The following JAG2 variants were observed in gnomAD, a reference collection of about 807,000 sequenced individuals.
JAG2 encodes jagged canonical Notch ligand 2.
In JAG2, 46 loss-of-function variants were observed where a neutral mutation model predicts 141.7. The ratio of observed to expected loss-of-function variants is 0.32; its 90% confidence interval spans 0.26 to 0.42. The LOEUF is 0.42. JAG2 is among the 10% of genes least tolerant of loss of function. The probability of loss-of-function intolerance (pLI) is 1.00; values close to 1 mark genes in which losing one functional copy is unlikely to be tolerated. For missense variants in JAG2, 1,500 were observed against 1,817.5 expected (o/e 0.83, Z 3.18); for synonymous variants, 862 against 763.5 (o/e 1.13, Z -2.13).
At chr14:105,160,650 G>A (rs1335906618) in intron 2 of JAG2, among the ~76,000 whole-genome samples, 1 of 151,920 alleles carries the variant, frequency 6.6e-6, no homozygotes, top group East Asian at 1.9e-4. Flanking sequence ...ATCACCTGAG[G>A]TCAGGAGTTC....
At chr14:105,168,174 G>C (rs1196976428) in intron 1 of JAG2, 67 bp from the exon 2 acceptor site, 1 of 1,352,708 alleles carries the variant, frequency 7.4e-7, no homozygotes, top group African/African-American at 1.5e-5. Flanking sequence ...GGCGCCAGGG[G>C]TGGGGGAACA....
chr14:105,165,592 G>C (rs936996600), intron 2 of JAG2, among the ~76,000 whole-genome samples: 2 of 152,160 alleles, frequency 1.3e-5, no homozygotes, highest in East Asian at 1.9e-4. Context: ...CACAGACCCC[G>C]GCCACAAGAA....
intron 2 of JAG2, among the ~76,000 whole-genome samples, chr14:105,160,386 C>T (rs1358677908): frequency 7.3e-6 from 1 of 137,846 alleles, no homozygotes; most frequent in African/African-American, 2.8e-5. Context: ...CCCTTCCCCA[C>T]CCCCGGTAAC....
rs587632836 is a variant in JAG2 at position 105,168,369 on chromosome 14, C to CCAG, written c.49_51dup (p.Leu17dup). On this transcript the variant is annotated inframe_insertion, in exon 1 of 26. Transcript: ENST00000331782. ...GCCCCGCTCACCTGCACCCAGAGCG[C>CCAG]CAGCAGCAGCAGCAGCCGCCGGGGA... 0.034 allele frequency: 33,877 copies of CCAG among 1,011,200 alleles called. 456 individuals carry two copies. Among genetic ancestry groups the CCAG allele is most frequent in the Non-Finnish European group, 0.037 (30,652 of 819,430 alleles). 62.6% of individuals were successfully genotyped at this position (1,011,200 alleles called of 1,614,324 possible).
intron 2 of JAG2, among the ~76,000 whole-genome samples, chr14:105,160,963 C>T (rs147282825): frequency 6.6e-6 from 1 of 152,086 alleles, no homozygotes; most frequent in Non-Finnish European, 1.5e-5. Context: ...GCAGAGCCCA[C>T]AAGAAGGCCC....
At chr14:105,157,847 C>T (rs772123796) in intron 2 of JAG2, 84 bp from the exon 3 acceptor site, 66 of 1,269,126 alleles carry the variant, frequency 5.2e-5, no homozygotes, top group South Asian at 7.6e-5. Flanking sequence ...AGGGCTCAGA[C>T]GCTGCCCCTG....
Position 105,142,779 on chromosome 14 carries a change from C to T in JAG2, c.3633G>A (p.Arg1211=). The T allele has an allele frequency of 6.2e-7, 1 of 1,611,002 alleles. No individual in the cohort carries two copies. Among genetic ancestry groups the T allele is most frequent in the Non-Finnish European group, 8.5e-7 (1 of 1,179,104 alleles). Residue 1211 remains arginine (R), a synonymous_variant, in exon 26 of 26, where the codon AGG becomes AGA. Coordinates refer to ENST00000331782, the MANE Select transcript of JAG2 (RefSeq NM_002226.5). ...FTKDPGRSPG[R]PAHWASGPKV... is the part of the protein sequence containing the mutation. ...TGGGGCCTGAGGCCCAGTGGGCCGG[C>T]CTCCCCGGCGAGCGGCCAGGATCTT...
chr14:105,147,916 T>A, intron 17 of JAG2, 28 bp from the exon 18 acceptor site: 1 of 1,505,900 alleles, frequency 6.6e-7, no homozygotes, highest in South Asian at 1.2e-5. Flanking sequence ...GGAGGGAGCG[T>A]CTCACCTGGC....
intron 2 of JAG2, among the ~76,000 whole-genome samples, chr14:105,162,315 A>G (rs777457520): frequency 6.6e-5 from 10 of 151,928 alleles, no homozygotes; most frequent in Non-Finnish European, 1.2e-4. Context: ...CCGCAGCCCA[A>G]CTTCATCTCC....
At chr14:105,151,151 C>T (rs1429559338) in intron 9 of JAG2, 47 bp from the exon 10 acceptor site, 16 of 1,554,970 alleles carry the variant, frequency 1.0e-5, no homozygotes, top group Non-Finnish European at 1.4e-5. Context: ...GCCCTGCCTG[C>T]CCCCTGCAGC....
intron 24 of JAG2, among the ~76,000 whole-genome samples, chr14:105,144,250 G>T (rs369658146): frequency 2.0e-5 from 3 of 150,198 alleles, no homozygotes; most frequent in African/African-American, 4.9e-5. Context: ...CTGTGCCCCT[G>T]CCTCCACCAC....
In JAG2 at chr14:105,148,996, G is replaced by A. The variant is rs748968285; in HGVS notation, c.1847C>T (p.Pro616Leu). ...ACAGATGCAGGAAAAGTTGCCCCCT[G>A]GCTGGCTGACGCAGCGTCCATGGGG... Reference protein sequence around the residue: ...CGPHGRCVSQPGGNFSCICDS... With the variant: ...CGPHGRCVSQLGGNFSCICDS... The change falls in exon 14 of 26, where the codon CCA (proline) becomes CTA (leucine). Residue 616 changes from proline to leucine, a missense_variant. This residue lies in a region of JAG2 where 875 missense variants were observed against 1,202.2 expected (regional missense o/e 0.73). Transcript: ENST00000331782. 2 of 1,607,454 alleles carry A rather than the reference G, an allele frequency of 1.2e-6. No individual in the cohort carries two copies. Among genetic ancestry groups the A allele is most frequent in the Non-Finnish European group, 1.7e-6 (2 of 1,177,722 alleles).
chr14:105,142,999 A>G lies in JAG2; in HGVS notation c.3413T>C (p.Ile1138Thr), dbSNP rs1292064765. The G allele has an allele frequency of 3.1e-6, 5 of 1,607,444 alleles. No individual in the cohort carries two copies. Among genetic ancestry groups the G allele is most frequent in the Non-Finnish European group, 4.2e-6 (5 of 1,179,244 alleles). ...WAPLNPIRNP[I>T]ERPGGHKDVL... ...GTCCTTGTGGCCCCCCGGCCGCTCA[A>G]TGGGGTTGCGGATGGGGTTGAGCGG... Residue 1138 changes from isoleucine to threonine, a missense_variant, in exon 26 of 26, where the codon ATT (isoleucine) becomes ACT (threonine). Ile to Thr is a moderately conservative substitution (Grantham distance 89). Around this residue, in one of 3 missense-constraint regions of JAG2, gnomAD observed 425 missense variants for 441.0 expected, o/e 0.96. Transcript: ENST00000331782.
Position 105,148,169 on chromosome 14 carries a change from T to A in JAG2, c.2195A>T (p.Asp732Val). The A allele has an allele frequency of 3.2e-6, 5 of 1,551,134 alleles. No individual in the cohort carries two copies. The highest frequency in any genetic ancestry group is 4.4e-6 in the Non-Finnish European group (5 of 1,147,532). Residue 732 changes from aspartate to valine, a missense_variant, in exon 17 of 26, where the codon GAC (aspartate) becomes GTC (valine). Asp to Val is a radical substitution (Grantham distance 152). Coordinates refer to ENST00000331782, the MANE Select transcript of JAG2 (RefSeq NM_002226.5). The stretch of plus-strand genomic sequence containing the variant: ...GGGGGGGCAGGCGCAGCGGAAGGTG[T>A]CGCCGCTGTCGTAGCAGGTGCCACC... ...SNGGTCYDSG[D>V]TFRCACPPGW...
Position 105,151,102 on chromosome 14 carries a change from C to A in JAG2, c.1270G>T (p.Ala424Ser). The change falls in exon 10 of 26, where the codon GCC (alanine) becomes TCC (serine). Residue 424 changes from alanine to serine, a missense_variant and splice_region_variant. By Grantham distance (99) the Ala-to-Ser change is moderately conservative. Transcript: ENST00000331782. ...QWVGATCQLD[A>S]NECEGKPCLN... ...CATGGCTTCCCTTCACACTCATTGG[C>A]GTCTGTGAAAGAGACAAGGTGGGAG... 2 of 1,609,428 alleles carry A rather than the reference C, an allele frequency of 1.2e-6. No individual in the cohort carries two copies. The highest frequency in any genetic ancestry group is 1.1e-5 in the South Asian group (1 of 90,176).
At chr14:105,159,650 C>G (rs587685885) in intron 2 of JAG2, among the ~76,000 whole-genome samples, 1 of 136,066 alleles carries the variant, frequency 7.3e-6, no homozygotes, top group African/African-American at 2.8e-5. Context: ...GGGTTCCATC[C>G]ACACCCCCCA....
At chr14:105,161,516 C>T (rs902948828) in intron 2 of JAG2, among the ~76,000 whole-genome samples, 5 of 152,180 alleles carry the variant, frequency 3.3e-5, no homozygotes, top group Admixed American at 2.6e-4. Context: ...CCCAGGGCTC[C>T]GGTTACCTGC....
chr14:105,151,777 GGCCCCCA>G, intron 7 of JAG2, 38 bp from the exon 8 acceptor site: 1 of 1,598,658 alleles, frequency 6.3e-7, no homozygotes, highest in Non-Finnish European at 8.5e-7. Flanking sequence ...CTGGCAGCCA[GGCCCCCA>G]GCTTTCCACA....
At chr14:105,146,203 T>A (rs1758167237) in intron 22 of JAG2, among the ~76,000 whole-genome samples, 182 bp downstream of exon 22, 1 of 152,086 alleles carries the variant, frequency 6.6e-6, no homozygotes, top group Admixed American at 6.5e-5. Context: ...ACCAGGCCTG[T>A]TTTCCCAACT....
Sources: allele counts gnomAD v4.1 joint callset (sites outside exome capture counted in the v4.1 genomes callset), GRCh38; gene constraint gnomAD v4.1.1; regional missense constraint gnomAD v4.1.1; transcripts MANE v1.5; gene names NCBI Gene and HGNC (gene_info 2026-07-23, HGNC 2026-07-21).